B3GALT1: variants seen among roughly 807,000 people sequenced by gnomAD.
The protein encoded by B3GALT1 is beta-1,3-galactosyltransferase 1.
B3GALT1 carries 10 observed loss-of-function variants against 23.2 expected under a neutral mutation model. The observed-to-expected ratio is 0.43, with a 90% confidence interval of 0.27 to 0.73. The LOEUF (loss-of-function observed/expected upper bound fraction) is 0.73. Ranked by LOEUF, B3GALT1 falls within the 30% of genes least tolerant of loss-of-function variation. The pLI, the probability that B3GALT1 is intolerant of heterozygous loss-of-function variation, is 0.21. For synonymous variants in B3GALT1, 156 were observed against 141.5 expected (o/e 1.10, Z -0.73); for missense variants, 299 against 405.4 (o/e 0.74, Z 2.25).
At chr2:167,566,781 G>A (rs1408429417) in intron 2 of B3GALT1, among the ~76,000 whole-genome samples, 2 of 152,124 alleles carry the variant, frequency 1.3e-5, no homozygotes, top group Admixed American at 6.6e-5. Flanking sequence ...GCTGTCCTGA[G>A]TCACTCAGTC....
intron 2 of B3GALT1, among the ~76,000 whole-genome samples, chr2:167,515,647 A>G (rs371546855): frequency 6.6e-6 from 1 of 152,036 alleles, no homozygotes; most frequent in African/African-American, 2.4e-5. Context: ...ATATATGTAT[A>G]TTTTGTTTTG....
chr2:167,826,587 A>G (rs1308768957), intron 4 of B3GALT1, among the ~76,000 whole-genome samples: 4 of 152,120 alleles, frequency 2.6e-5, no homozygotes, highest in African/African-American at 4.8e-5. Context: ...TCAGGTGATG[A>G]CCAGTATTGA....
intron 2 of B3GALT1, among the ~76,000 whole-genome samples, chr2:167,555,250 A>C (rs1484732162): frequency 6.6e-6 from 1 of 152,196 alleles, no homozygotes; most frequent in Non-Finnish European, 1.5e-5. Context: ...TGTGCATGGC[A>C]TCATGCTTTA....
At chr2:167,639,536 A>G (rs1322552994) in intron 2 of B3GALT1, among the ~76,000 whole-genome samples, 1 of 152,088 alleles carries the variant, frequency 6.6e-6, no homozygotes, top group Non-Finnish European at 1.5e-5. Context: ...TAAATTTTTT[A>G]GTAAATTGAA....
chr2:167,411,303 A>G (rs1352785528), intron 1 of B3GALT1, among the ~76,000 whole-genome samples: 1 of 151,424 alleles, frequency 6.6e-6, no homozygotes, highest in Non-Finnish European at 1.5e-5. Flanking sequence ...AAATATTTGT[A>G]AACTATCCAT....
intron 1 of B3GALT1, among the ~76,000 whole-genome samples, chr2:167,449,127 G>T (rs894297388): frequency 6.6e-6 from 1 of 151,994 alleles, no homozygotes; most frequent in African/African-American, 2.4e-5. Context: ...TTCTAGTTCT[G>T]TGAAGAATGA....
intron 1 of B3GALT1, among the ~76,000 whole-genome samples, chr2:167,383,166 G>A (rs1000472405): frequency 1.3e-5 from 2 of 149,412 alleles, no homozygotes; most frequent in East Asian, 3.9e-4. Flanking sequence ...TTCCAGCTCT[G>A]GCTGTTGACA....
At chr2:167,330,111 T>TTTTTTTTTTTTTTTTTTTGAGACGG (rs1696950301) in intron 1 of B3GALT1, among the ~76,000 whole-genome samples, 3 of 151,632 alleles carry the variant, frequency 2.0e-5, no homozygotes, top group Admixed American at 6.5e-5. Context: ...ATAGGTTTTC[T>TTTTTTTTTTTTTTTTTTTGAGACGG]AACCCTTTCA....
intron 1 of B3GALT1, among the ~76,000 whole-genome samples, chr2:167,401,112 A>G (rs1386396533): frequency 3.9e-5 from 6 of 152,062 alleles, no homozygotes; most frequent in Non-Finnish European, 7.4e-5. Context: ...GAGGGACTGT[A>G]CATTCTTGCC....
rs574936384 is a variant in B3GALT1 at position 167,442,036 on chromosome 2, C to G, written c.-510-48141C>G. On this transcript the variant is annotated intron_variant, in intron 1 of 4. Coordinates refer to ENST00000392690, the MANE Select transcript of B3GALT1 (RefSeq NM_020981.4). Reference sequence around the variant, plus strand: ...CAATGCTATCCCTCCCCACTCCCCCCACCCCACCACATTCCCCAGAGTGTG... The same window carrying G: ...CAATGCTATCCCTCCCCACTCCCCCGACCCCACCACATTCCCCAGAGTGTG... Among the ~76,000 whole-genome samples the G allele has an allele frequency of 5.3e-3, 811 of 151,762 alleles. 6 individuals carry two copies. The highest frequency in any genetic ancestry group is 0.019 in the African/African-American group (773 of 41,262).
At chr2:167,559,434 C>T (rs540869273) in intron 2 of B3GALT1, among the ~76,000 whole-genome samples, 3 of 152,194 alleles carry the variant, frequency 2.0e-5, no homozygotes, top group Non-Finnish European at 2.9e-5. Context: ...TCCTCACCAG[C>T]AACGAAACGA....
chr2:167,624,648 A>G (rs1298685679), intron 2 of B3GALT1, among the ~76,000 whole-genome samples: 1 of 152,010 alleles, frequency 6.6e-6, no homozygotes, highest in Admixed American at 6.6e-5. Context: ...TATCCACTAT[A>G]TTATATGACT....
intron 1 of B3GALT1, among the ~76,000 whole-genome samples, chr2:167,399,351 T>C (rs572292068): frequency 1.3e-5 from 2 of 152,258 alleles, no homozygotes; most frequent in East Asian, 3.9e-4. Flanking sequence ...TGAATAGAAA[T>C]GAATTGGATA....
chr2:167,463,606 A>G (rs939411737), intron 1 of B3GALT1, among the ~76,000 whole-genome samples: 7 of 152,186 alleles, frequency 4.6e-5, no homozygotes, highest in African/African-American at 1.7e-4. Flanking sequence ...TATATGATAA[A>G]GCAATAGCAC....
At chr2:167,409,078 A>G (rs1456858069) in intron 1 of B3GALT1, among the ~76,000 whole-genome samples, 1 of 152,224 alleles carries the variant, frequency 6.6e-6, no homozygotes, top group East Asian at 1.9e-4. Context: ...AATCTTGAGC[A>G]AAAAGACTAA....
At chr2:167,838,015 A>G (rs1441908875) in intron 4 of B3GALT1, among the ~76,000 whole-genome samples, 4 of 150,978 alleles carry the variant, frequency 2.6e-5, no homozygotes, top group Admixed American at 1.3e-4. Flanking sequence ...TCTCTGGGAC[A>G]CATTCAAAGC....
intron 2 of B3GALT1, among the ~76,000 whole-genome samples, chr2:167,505,889 G>A (rs1176256415): frequency 6.6e-6 from 1 of 151,962 alleles, no homozygotes; most frequent in African/African-American, 2.4e-5. Flanking sequence ...GTGAAACCCT[G>A]TCTCTACCAA....
At chr2:167,347,342 G>T (rs1271107130) in intron 1 of B3GALT1, among the ~76,000 whole-genome samples, 1 of 152,106 alleles carries the variant, frequency 6.6e-6, no homozygotes, top group Non-Finnish European at 1.5e-5. Context: ...GAAAGAGTGA[G>T]CTTAACTTGA....
At position 167,390,812 on chromosome 2, in the gene B3GALT1, A is replaced by ATGAG. The variant is rs1698006645; in HGVS notation, c.-511+97480_-511+97483dup. 2.6e-5 allele frequency among the ~76,000 whole-genome samples: 4 copies of ATGAG among 152,156 alleles called. No homozygotes were observed. In the South Asian group the frequency reaches 6.2e-4, roughly 24 times the overall value. ...AATATCTGAATGAATGAATGAATGA[A>ATGAG]TGAGTCAATCAAATTACTCATCTAT... On this transcript the variant is annotated intron_variant, in intron 1 of 4. Transcript: ENST00000392690.
Sources: gnomAD v4.1 joint callset for allele counts (sites outside exome capture counted in the v4.1 genomes callset) on GRCh38, gnomAD v4.1.1 for gene constraint, MANE v1.5 for transcripts, NCBI Gene and HGNC (gene_info 2026-07-23, HGNC 2026-07-21) for gene names.